DYNC1I1: variants seen among roughly 807,000 people sequenced by gnomAD.
The protein encoded by DYNC1I1 is dynein cytoplasmic 1 intermediate chain 1.
DYNC1I1 carries 43 observed loss-of-function variants against 86.6 expected under a neutral mutation model. The ratio of observed to expected loss-of-function variants is 0.50; its 90% CI spans 0.39 to 0.64. The LOEUF (loss-of-function observed/expected upper bound fraction) is 0.64, where lower values mean the gene tolerates loss of function less well. Among genes scored for constraint, DYNC1I1 ranks in the 30% least tolerant of loss-of-function variants. The probability of loss-of-function intolerance (pLI) is 0.00; values close to 1 mark genes in which losing one functional copy is unlikely to be tolerated. For missense variants in DYNC1I1, 604 were observed against 788.8 expected (o/e 0.77, Z 2.81); for synonymous variants, 262 against 283.7 (o/e 0.92, Z 0.77).
At chr7:96,064,887 A>G (rs1489513646) in intron 14 of DYNC1I1, among the ~76,000 whole-genome samples, 1 of 152,138 alleles carries the variant, frequency 6.6e-6, no homozygotes, top group Non-Finnish European at 1.5e-5. Flanking sequence ...CCAAAAAATC[A>G]AGGATGGTGT....
intron 6 of DYNC1I1, among the ~76,000 whole-genome samples, chr7:95,963,266 A>T (rs1414063660): frequency 1.3e-5 from 2 of 152,104 alleles, no homozygotes; most frequent in African/African-American, 4.8e-5. Context: ...TTCAGAGCAC[A>T]TCTCCAGGCA....
At chr7:95,806,193 T>TA (rs974648015) in intron 2 of DYNC1I1, among the ~76,000 whole-genome samples, 1 of 152,224 alleles carries the variant, frequency 6.6e-6, no homozygotes, top group African/African-American at 2.4e-5. Context: ...TGTCAACACT[T>TA]ACTGTAGTTT....
chr7:95,828,250 T>G, intron 5 of DYNC1I1, 134 bp downstream of exon 5: 1 of 934,294 alleles, frequency 1.1e-6, no homozygotes, highest in South Asian at 1.5e-5. Context: ...TTCCTTCTGT[T>G]GATTTTCCTT....
chr7:95,881,016 C>G (rs554935629), intron 6 of DYNC1I1, among the ~76,000 whole-genome samples: 1 of 152,168 alleles, frequency 6.6e-6, no homozygotes, highest in African/African-American at 2.4e-5. Context: ...ATTTAGTCCT[C>G]TTAAGAATCT....
rs202183816 is a variant in DYNC1I1 at position 95,977,551 on chromosome 7, G to T, written c.530G>T (p.Gly177Val). 1 of 1,613,362 alleles carries T rather than the reference G, an allele frequency of 6.2e-7. No individual in the cohort carries two copies. Among genetic ancestry groups the T allele is most frequent in the South Asian group, 1.1e-5 (1 of 90,950 alleles). Reference sequence around the variant, plus strand: ...GAGGAAATGGTGGAATCTAAAGTTGGCCAGGACTCAGAACTGGAAAATCAG... The same window carrying T: ...GAGGAAATGGTGGAATCTAAAGTTGTCCAGGACTCAGAACTGGAAAATCAG... ...EDEEMVESKV[G>V]QDSELENQDK... The change falls in exon 7 of 17, where the codon GGC (glycine) becomes GTC (valine). Residue 177 changes from glycine (G) to valine (V), a missense_variant. Physicochemically the swap from Gly to Val is moderately radical, Grantham distance 109. Coordinates refer to ENST00000447467, the MANE Select transcript of DYNC1I1 (RefSeq NM_001135556.2).
chr7:95,832,357 C>G, intron 5 of DYNC1I1, among the ~76,000 whole-genome samples: 1 of 151,628 alleles, frequency 6.6e-6, no homozygotes. Context: ...TTTTCTTAAT[C>G]CAGTCTAACA....
intron 9 of DYNC1I1, among the ~76,000 whole-genome samples, chr7:95,993,006 G>T (rs1793769167): frequency 6.6e-6 from 1 of 151,972 alleles, no homozygotes; most frequent in Non-Finnish European, 1.5e-5. Context: ...GGTAAGTATT[G>T]GATAATTCAG....
intron 14 of DYNC1I1, among the ~76,000 whole-genome samples, chr7:96,050,500 T>C (rs1225087368): frequency 6.6e-6 from 1 of 152,236 alleles, no homozygotes; most frequent in African/African-American, 2.4e-5. Flanking sequence ...ATTAATTTTA[T>C]AGGGTTTTAT....
intron 1 of DYNC1I1, chr7:95,804,363 G>A (rs1020736301): frequency 5.5e-6 from 7 of 1,276,804 alleles, no homozygotes; most frequent in Non-Finnish European, 7.1e-6. Flanking sequence ...TAAATTGGAA[G>A]TCATGATGAT....
At chr7:96,039,459 A>G (rs745432713) in intron 14 of DYNC1I1, 38 bp downstream of exon 14, 5 of 1,612,308 alleles carry the variant, frequency 3.1e-6, no homozygotes, top group African/African-American at 2.7e-5. Context: ...GATAATACAT[A>G]AGGGCAGAGG....
At chr7:95,936,855 AG>A (rs1409573105) in intron 6 of DYNC1I1, among the ~76,000 whole-genome samples, 2 of 151,858 alleles carry the variant, frequency 1.3e-5, no homozygotes, top group African/African-American at 4.8e-5. Context: ...TTAGGTTAAA[AG>A]ATTCCAAAGA....
In DYNC1I1 at chr7:96,054,232, C is replaced by T. The variant is rs574999767; in HGVS notation, c.1509+14811C>T. Among the ~76,000 whole-genome samples, 8 of 152,142 alleles carry T rather than the reference C, an allele frequency of 5.3e-5. No individual in the cohort carries two copies. In the East Asian group the frequency reaches 1.2e-3, roughly 22 times the overall value. ...ACTTCCACTTATGAGTGAGAACATGCGGTGTTCGGTTTTCTGTTCCTATGT... is the reference window on the plus strand; with the variant it reads ...ACTTCCACTTATGAGTGAGAACATGTGGTGTTCGGTTTTCTGTTCCTATGT... On this transcript the variant is annotated intron_variant, in intron 14 of 16. Coordinates refer to ENST00000447467, the MANE Select transcript of DYNC1I1 (RefSeq NM_001135556.2).
chr7:95,908,225 T>C (rs1791227594), intron 6 of DYNC1I1, among the ~76,000 whole-genome samples: 1 of 152,164 alleles, frequency 6.6e-6, no homozygotes, highest in African/African-American at 2.4e-5. Context: ...ATAAACTTAG[T>C]TTCTAAAACA....
chr7:96,108,144 C>CA (rs1791247805), intron 16 of DYNC1I1, among the ~76,000 whole-genome samples: 1 of 151,754 alleles, frequency 6.6e-6, no homozygotes, highest in Non-Finnish European at 1.5e-5. Flanking sequence ...TGAGACTTTA[C>CA]AAAAAAATGA....
intron 14 of DYNC1I1, among the ~76,000 whole-genome samples, chr7:96,048,053 G>A (rs1411978687): frequency 1.3e-5 from 2 of 152,030 alleles, no homozygotes; most frequent in Admixed American, 6.5e-5. Context: ...CCATTTCTTC[G>A]GTGGAGTCAG....
intron 5 of DYNC1I1, among the ~76,000 whole-genome samples, chr7:95,861,615 C>T (rs992855860): frequency 3.6e-4 from 28 of 78,524 alleles, no homozygotes; most frequent in Non-Finnish European, 6.8e-4. Context: ...TCTCTTTTTG[C>T]AATTTTTTTT....
chr7:95,905,560 T>A (rs926008107), intron 6 of DYNC1I1, among the ~76,000 whole-genome samples: 2 of 152,230 alleles, frequency 1.3e-5, no homozygotes, highest in Admixed American at 1.3e-4. Flanking sequence ...TCCTGACCTA[T>A]GTCTCAAACT....
At chr7:95,877,923 C>T (rs1245601640) in intron 6 of DYNC1I1, among the ~76,000 whole-genome samples, 1 of 152,202 alleles carries the variant, frequency 6.6e-6, no homozygotes, top group Non-Finnish European at 1.5e-5. Context: ...AAATGGACTA[C>T]AAAAACCTGT....
rs1171828336 is a variant in DYNC1I1 at position 96,097,484 on chromosome 7, T to C, written c.1778T>C (p.Leu593Pro). The change falls in exon 17 of 17, where the codon CTT (leucine) becomes CCT (proline). Residue 593 changes from leucine to proline, a missense_variant and splice_region_variant. Leu to Pro is a moderately conservative substitution (Grantham distance 98). Transcript: ENST00000447467. ...TTTCTCCATTGATTTGCTTTGCAGCTTGCAGTTCCCCACAATGATGAATGG... is the reference window on the plus strand; with the variant it reads ...TTTCTCCATTGATTTGCTTTGCAGCCTGCAGTTCCCCACAATGATGAATGG... ...GRIWVYDVGE[L>P]AVPHNDEWTR... 6.2e-7 allele frequency: 1 copy of C among 1,613,702 alleles called. No homozygotes were observed. Among genetic ancestry groups the C allele is most frequent in the African/African-American group, 1.3e-5 (1 of 75,026 alleles).
Sources: gnomAD v4.1 joint callset for allele counts (sites outside exome capture counted in the v4.1 genomes callset) on GRCh38, gnomAD v4.1.1 for gene constraint, MANE v1.5 for transcripts, NCBI Gene and HGNC (gene_info 2026-07-23, HGNC 2026-07-21) for gene names.